SOX5: variants seen among roughly 807,000 people sequenced by gnomAD.
SOX5 encodes SRY-box transcription factor 5, also known as transcription factor SOX-5.
Under a neutral mutation model 92.0 loss-of-function variants are expected in SOX5, and 9 were observed. The ratio of observed to expected loss-of-function variants is 0.10; its 90% CI spans 0.06 to 0.17. The LOEUF (loss-of-function observed/expected upper bound fraction) is 0.17. Ranked by LOEUF, SOX5 falls within the 10% of genes least tolerant of loss-of-function variation. SOX5 has a pLI of 1.00. For missense variants in SOX5, 642 were observed against 944.5 expected, an observed-to-expected ratio of 0.68 and a Z score of 4.20; for synonymous variants, 344 against 336.3, an observed-to-expected ratio of 1.02 and a Z score of -0.25.
intron 3 of SOX5, among the ~76,000 whole-genome samples, chr12:23,811,235 C>T (rs915150983): frequency 9.2e-5 from 14 of 152,080 alleles, no homozygotes; most frequent in African/African-American, 3.1e-4. Context: ...ACCCCCTACA[C>T]AGAGGAATAT....
At chr12:24,240,306 C>T (rs761765625) in intron 3 of SOX5, among the ~76,000 whole-genome samples, 16 of 152,172 alleles carry the variant, frequency 1.1e-4, no homozygotes, top group African/African-American at 3.1e-4. Flanking sequence ...TCTGTTGTAA[C>T]GCCTCACTTG....
intron 4 of SOX5, among the ~76,000 whole-genome samples, chr12:24,023,386 T>A (rs1954533366): frequency 6.6e-6 from 1 of 152,160 alleles, no homozygotes. Flanking sequence ...AAATTTTTCA[T>A]ATTAGTTTGA....
chr12:24,194,560 T>A (rs1956837639), intron 4 of SOX5, among the ~76,000 whole-genome samples: 1 of 152,156 alleles, frequency 6.6e-6, no homozygotes, highest in Admixed American at 6.5e-5. Context: ...CTTTTATAAA[T>A]ATATGTATAT....
At chr12:24,101,442 C>T (rs1206206550) in intron 4 of SOX5, among the ~76,000 whole-genome samples, 7 of 152,096 alleles carry the variant, frequency 4.6e-5, no homozygotes, top group Admixed American at 3.9e-4. Context: ...GACTAACACT[C>T]GTTTCAATCT....
chr12:24,062,267 G>A (rs567353097), intron 4 of SOX5, among the ~76,000 whole-genome samples: 2 of 152,248 alleles, frequency 1.3e-5, no homozygotes, highest in South Asian at 4.1e-4. Flanking sequence ...GAGCTAATAA[G>A]CATGACTAGA....
At chr12:24,274,955 A>G (rs949431630) in intron 3 of SOX5, among the ~76,000 whole-genome samples, 1 of 152,158 alleles carries the variant, frequency 6.6e-6, no homozygotes, top group African/African-American at 2.4e-5. Flanking sequence ...GCCCTAAGCT[A>G]AAAGAGGCAG....
At chr12:24,429,357 CA>C (rs940695136) in intron 1 of SOX5, among the ~76,000 whole-genome samples, 51 of 150,848 alleles carry the variant, frequency 3.4e-4, no homozygotes, top group South Asian at 2.9e-3. Context: ...AAAACAACAA[CA>C]AAAAAAAGGT....
intron 9 of SOX5, among the ~76,000 whole-genome samples, chr12:23,593,664 G>A (rs925115448): frequency 2.0e-5 from 3 of 152,026 alleles, no homozygotes; most frequent in African/African-American, 7.2e-5. Context: ...CTTTAAGAAA[G>A]TACATGTTTA....
At position 24,545,102 on chromosome 12, in the gene SOX5, T is replaced by C. The variant is rs117922606; in HGVS notation, c.-251+17227A>G. 2.6e-5 allele frequency among the ~76,000 whole-genome samples: 4 copies of C among 152,228 alleles called. No individual in the cohort carries two copies. The East Asian group carries it at 7.7e-4, about 29-fold the overall frequency. On this transcript the variant is annotated intron_variant, in intron 1 of 4. Transcript: ENST00000446891. ...ACCTGAAAAAACCTAGGACTACCCT[T>C]TCTGGCTGATTACCTCTTGTCCACG...
At chr12:23,887,620 C>G (rs551674520) in intron 2 of SOX5, among the ~76,000 whole-genome samples, 193 of 152,206 alleles carry the variant, frequency 1.3e-3, no homozygotes, top group Non-Finnish European at 2.1e-3. Context: ...TCATCATTCT[C>G]TCCATTGCAT....
At chr12:24,365,151 G>A (rs1595951837) in intron 2 of SOX5, among the ~76,000 whole-genome samples, 1 of 152,040 alleles carries the variant, frequency 6.6e-6, no homozygotes. Context: ...TGTGCAAAGA[G>A]ACAAAAGGTG....
intron 3 of SOX5, among the ~76,000 whole-genome samples, chr12:24,274,954 TA>T (rs1364987802): frequency 3.3e-5 from 5 of 152,112 alleles, no homozygotes; most frequent in African/African-American, 7.2e-5. Context: ...TGCCCTAAGC[TA>T]AAAGAGGCAG....
chr12:24,425,557 T>C (rs1385670996), intron 1 of SOX5, among the ~76,000 whole-genome samples: 1 of 152,244 alleles, frequency 6.6e-6, no homozygotes, highest in African/African-American at 2.4e-5. Context: ...TGGGGGGTAC[T>C]GACTGCACTT....
At chr12:24,463,357 T>G (rs1034399708) in intron 1 of SOX5, among the ~76,000 whole-genome samples, 26 of 152,190 alleles carry the variant, frequency 1.7e-4, no homozygotes, top group Admixed American at 1.3e-3. Context: ...TACGTACAGC[T>G]AAGTTCGAAA....
At chr12:24,504,706 G>T (rs1273782255) in intron 1 of SOX5, among the ~76,000 whole-genome samples, 1 of 151,976 alleles carries the variant, frequency 6.6e-6, no homozygotes, top group Non-Finnish European at 1.5e-5. Context: ...GCATACAATG[G>T]CTAATGATAT....
At chr12:24,029,185 C>T (rs16927002) in intron 4 of SOX5, among the ~76,000 whole-genome samples, 1,721 of 151,926 alleles carry the variant, frequency 0.011, 42 homozygotes, top group African/African-American at 0.039. Flanking sequence ...CTTTTAAATC[C>T]GTGTATTTCC....
intron 4 of SOX5, among the ~76,000 whole-genome samples, chr12:24,181,452 C>G (rs1955487182): frequency 6.6e-6 from 1 of 152,148 alleles, no homozygotes; most frequent in African/African-American, 2.4e-5. Flanking sequence ...CAATAACATA[C>G]AGAAATAGCC....
intron 6 of SOX5, among the ~76,000 whole-genome samples, chr12:23,685,869 T>C (rs1421173822): frequency 1.3e-5 from 2 of 152,202 alleles, no homozygotes; most frequent in Non-Finnish European, 2.9e-5. Context: ...AAGTAGGAGA[T>C]ATTGTGTCTA....
intron 4 of SOX5, among the ~76,000 whole-genome samples, chr12:23,983,998 A>G (rs917025614): frequency 6.6e-6 from 1 of 152,202 alleles, no homozygotes; most frequent in Non-Finnish European, 1.5e-5. Context: ...CATGATTTCT[A>G]CATTATTTTC....
Sources: gnomAD v4.1 joint callset for allele counts (sites outside exome capture counted in the v4.1 genomes callset) on GRCh38, gnomAD v4.1.1 for gene constraint, MANE v1.5 for transcripts, NCBI Gene and HGNC (gene_info 2026-07-23, HGNC 2026-07-21) for gene names.